The following NAV2 variants were observed in gnomAD, a reference collection of about 807,000 sequenced individuals.
NAV2 encodes helicase, APC down-regulated 1.
A neutral mutation model predicts 223.2 loss-of-function variants in NAV2; 54 were observed. The observed-to-expected ratio is 0.24, with a 90% CI of 0.19 to 0.30. The LOEUF (loss-of-function observed/expected upper bound fraction) is 0.30, where lower values mean the gene tolerates loss of function less well. Ranked by LOEUF, NAV2 falls within the 10% of genes least tolerant of loss-of-function variation. The pLI is 1.00. For synonymous variants in NAV2, 1,279 were observed against 1,239.3 expected (o/e 1.03, Z -0.67); for missense variants, 2,806 against 3,147.5 (o/e 0.89, Z 2.60).
intron 6 of NAV2, among the ~76,000 whole-genome samples, chr11:19,930,405 C>T (rs1026975367): frequency 5.3e-5 from 8 of 152,152 alleles, no homozygotes; most frequent in African/African-American, 1.9e-4. Context: ...TCCATGTACA[C>T]GTGGGGACTA....
At chr11:20,023,028 C>G (rs2054645732) in intron 11 of NAV2, 1 of 1,540,916 alleles carries the variant, frequency 6.5e-7, no homozygotes, top group Non-Finnish European at 8.8e-7. Context: ...GCTGGCTCAG[C>G]TGGCTAAAGG....
In NAV2 at chr11:19,933,549, C is replaced by A; in HGVS notation, c.1305C>A (p.Ser435Arg). 2 of 1,609,384 alleles carry A rather than the reference C, an allele frequency of 1.2e-6. No homozygotes were observed. The highest frequency in any genetic ancestry group is 8.5e-7 in the Non-Finnish European group (1 of 1,177,582). The part of the protein sequence containing the change: ...TSCERLETLP[S>R]FEESEELEAA... ...GTGAGCGGCTGGAGACTCTGCCCAG[C>A]TTCGAAGAGAGCGAGGAGCTGGAGG... Residue 435 changes from serine to arginine, a missense_variant, in exon 7 of 38, where the codon AGC becomes AGA. This residue lies in a region of NAV2 where 1,167 missense variants were observed against 1,180.5 expected (regional missense o/e 0.99). Coordinates refer to ENST00000349880, the MANE Select transcript of NAV2 (RefSeq NM_145117.5). This position sits in a 1 kb window ranked among gnomAD's most constrained non-coding sequence, Gnocchi z 4.3.
At chr11:19,346,496 G>A (rs947193520), upstream of NAV2, among the ~76,000 whole-genome samples, 1 of 152,244 alleles carries the variant, frequency 6.6e-6, no homozygotes, top group South Asian at 2.1e-4. Flanking sequence ...GGTGCCTCCC[G>A]GGTGTGCGCT....
chr11:20,014,474 T>G (rs970255159), intron 11 of NAV2, among the ~76,000 whole-genome samples: 1 of 152,222 alleles, frequency 6.6e-6, no homozygotes, highest in African/African-American at 2.4e-5. Flanking sequence ...AGACCATGGC[T>G]AGGTGTATTT....
At chr11:19,859,670 G>A (rs1474006416) in intron 3 of NAV2, among the ~76,000 whole-genome samples, 1 of 152,002 alleles carries the variant, frequency 6.6e-6, no homozygotes, top group Non-Finnish European at 1.5e-5. Context: ...CCTCCCAGAC[G>A]GGGTGGTGGC....
intron 35 of NAV2, among the ~76,000 whole-genome samples, chr11:20,107,056 C>CT (rs1763966874): frequency 1.1e-5 from 1 of 91,708 alleles, no homozygotes; most frequent in African/African-American, 4.5e-5. Context: ...CATGGGCTTC[C>CT]ATTTTTTTTT....
At chr11:19,453,339 C>G (rs950365281) in intron 1 of NAV2, among the ~76,000 whole-genome samples, 1 of 152,104 alleles carries the variant, frequency 6.6e-6, no homozygotes, top group African/African-American at 2.4e-5. Flanking sequence ...AAGGAGAAAG[C>G]CTTTCAGGAT....
At chr11:19,748,929 C>T (rs2053586957) in intron 1 of NAV2, among the ~76,000 whole-genome samples, 1 of 152,224 alleles carries the variant, frequency 6.6e-6, no homozygotes, top group Non-Finnish European at 1.5e-5. Flanking sequence ...CTTGCCCAAA[C>T]CACAAGGCTG....
chr11:19,769,299 C>CA (rs2055508028), intron 1 of NAV2, among the ~76,000 whole-genome samples: 1 of 152,134 alleles, frequency 6.6e-6, no homozygotes, highest in Non-Finnish European at 1.5e-5. Flanking sequence ...CAGCTGAGGC[C>CA]AATCAACAGC....
intron 1 of NAV2, among the ~76,000 whole-genome samples, chr11:19,383,817 G>A (rs1848935515): frequency 6.6e-6 from 1 of 152,226 alleles, no homozygotes; most frequent in African/African-American, 2.4e-5. Context: ...CAATGAGAGA[G>A]TAGTTAGACA....
intron 11 of NAV2, among the ~76,000 whole-genome samples, chr11:19,988,805 G>A (rs2625322): frequency 0.22 from 33,907 of 152,046 alleles, 4,186 homozygotes; most frequent in East Asian, 0.53. Context: ...TGCTGGGAGT[G>A]TCATAAGAAC....
Position 19,775,739 on chromosome 11 carries a change from G to T in NAV2, c.268-56745G>T, listed in dbSNP as rs114644231. Among the ~76,000 whole-genome samples, 1,213 of 152,322 alleles carry T rather than the reference G, an allele frequency of 8.0e-3. 15 individuals are homozygous for T. The highest frequency in any genetic ancestry group is 0.028 in the African/African-American group (1,153 of 41,578). ...AAGTCTCCCTGAAGAGGTGCCATTAGACATGAGACCATGGGCAAGTCTAGG... is the reference window on the plus strand; with the variant it reads ...AAGTCTCCCTGAAGAGGTGCCATTATACATGAGACCATGGGCAAGTCTAGG... On this transcript the variant is annotated intron_variant, in intron 1 of 37. Transcript: ENST00000349880.
intron 3 of NAV2, among the ~76,000 whole-genome samples, chr11:19,868,184 T>C (rs1366915859): frequency 6.6e-6 from 1 of 152,190 alleles, no homozygotes; most frequent in Non-Finnish European, 1.5e-5. Flanking sequence ...AAGCAATTTC[T>C]TTTACTTATG....
chr11:19,956,367 C>T (rs1319668423), intron 10 of NAV2, among the ~76,000 whole-genome samples: 1 of 105,286 alleles, frequency 9.5e-6, no homozygotes, highest in Non-Finnish European at 1.9e-5. Context: ...GACACACATA[C>T]ACACACACAC....
At chr11:19,455,463 C>T (rs1851928608) in intron 1 of NAV2, among the ~76,000 whole-genome samples, 1 of 152,094 alleles carries the variant, frequency 6.6e-6, no homozygotes, top group Non-Finnish European at 1.5e-5. Flanking sequence ...ATAGTATTTG[C>T]TACATATGAA....
chr11:20,068,549 T>G (rs1258300859), intron 22 of NAV2, 151 bp downstream of exon 22: 2 of 654,468 alleles, frequency 3.1e-6, no homozygotes, highest in Non-Finnish European at 5.4e-6. Flanking sequence ...GAATGTCAGT[T>G]TGGACACTTA....
At chr11:19,782,400 A>G (rs372650864) in intron 1 of NAV2, among the ~76,000 whole-genome samples, 2 of 152,238 alleles carry the variant, frequency 1.3e-5, no homozygotes, top group African/African-American at 4.8e-5. Context: ...ATTTTGAGGT[A>G]ACACATTTTC....
chr11:19,391,897 G>A (rs1849263876), intron 1 of NAV2, among the ~76,000 whole-genome samples: 1 of 151,986 alleles, frequency 6.6e-6, no homozygotes, highest in Admixed American at 6.6e-5. Context: ...CAACTCGCAG[G>A]GATTAACCAG....
chr11:19,994,512 C>T (rs2051669111), intron 11 of NAV2, among the ~76,000 whole-genome samples: 1 of 150,336 alleles, frequency 6.7e-6, no homozygotes, highest in Admixed American at 6.6e-5. Context: ...CGCCACTGCC[C>T]TCCAGCCTGG....
Sources: gnomAD v4.1 joint callset for allele counts (sites outside exome capture counted in the v4.1 genomes callset) on GRCh38, gnomAD v4.1.1 for gene constraint, gnomAD v4.1.1 regional missense constraint, Gnocchi (gnomAD v3.1) non-coding constraint, MANE v1.5 for transcripts, NCBI Gene and HGNC (gene_info 2026-07-23, HGNC 2026-07-21) for gene names.